TNFRSF9: variants seen among roughly 807,000 people sequenced by gnomAD.
The protein encoded by TNFRSF9 is tumor necrosis factor receptor superfamily member 9.
Under a neutral mutation model 28.8 loss-of-function variants are expected in TNFRSF9, and 16 were observed. That is an observed-to-expected ratio of 0.55 (90% confidence interval 0.38 to 0.84). TNFRSF9 has a LOEUF of 0.84. Ranked by LOEUF, TNFRSF9 falls within the 40% of genes least tolerant of loss-of-function variation. The pLI is 0.00. For missense variants in TNFRSF9, 303 were observed against 315.0 expected (o/e 0.96, Z 0.29); for synonymous variants, 131 against 117.0 (o/e 1.12, Z -0.77).
At chr1:7,930,446 G>T (rs9658000) in intron 7 of TNFRSF9, among the ~76,000 whole-genome samples, 127 of 152,254 alleles carry the variant, frequency 8.3e-4, no homozygotes, top group African/African-American at 2.9e-3. Context: ...GAACTTTGTT[G>T]CAGTCTGGGG....
chr1:7,924,294 C>CATATGTATATATATATATATAT (rs1238435280), intron 7 of TNFRSF9, among the ~76,000 whole-genome samples: 1 of 129,996 alleles, frequency 7.7e-6, no homozygotes, highest in African/African-American at 2.9e-5. Flanking sequence ...TAGTATATTC[C>CATATGTATATATATATATATAT]ATATATATAT....
At chr1:7,937,632 C>G in intron 5 of TNFRSF9, 58 bp downstream of exon 5, 1 of 1,453,680 alleles carries the variant, frequency 6.9e-7, no homozygotes, top group Non-Finnish European at 9.6e-7. Context: ...CATTCCTTAT[C>G]TTCCAAAAAA....
chr1:7,934,388 CGA>C (rs1639785015), intron 6 of TNFRSF9, among the ~76,000 whole-genome samples: 1 of 137,666 alleles, frequency 7.3e-6, no homozygotes, highest in South Asian at 2.4e-4. Flanking sequence ...AAAAAAAAAG[CGA>C]GAGAGAGAAA....
At chr1:7,936,962 A>G (rs1312937835) in intron 5 of TNFRSF9, among the ~76,000 whole-genome samples, 3 of 152,224 alleles carry the variant, frequency 2.0e-5, no homozygotes, top group African/African-American at 4.8e-5. Context: ...TCTCTCGTAT[A>G]CTATTGGCTT....
intron 7 of TNFRSF9, among the ~76,000 whole-genome samples, chr1:7,930,768 C>CA (rs34721527): frequency 1.3e-5 from 2 of 151,602 alleles, no homozygotes; most frequent in African/African-American, 4.8e-5. Context: ...AACTCTGTCT[C>CA]AAAAAAACAA....
rs577970791 is a variant in TNFRSF9, at chr1:7,940,065, T to G, written c.-71A>C. On this transcript the variant is annotated 5_prime_UTR_variant, in exon 2 of 8. Transcript: ENST00000377507. ...AGAATTTTAATCAAATTAGCTGGTC[T>G]CACAAATGTCACTCTGCAAAAGATA... 12 of 1,048,122 alleles carry G rather than the reference T, an allele frequency of 1.1e-5. No homozygotes were observed. In the East Asian group the frequency reaches 2.4e-4, roughly 21 times the overall value. 64.9% of individuals were successfully genotyped at this position (1,048,122 alleles called of 1,614,324 possible). A position where few individuals can be genotyped will look rare whatever the true frequency, so the allele number is the denominator to read the frequency against.
intron 6 of TNFRSF9, 106 bp from the exon 7 acceptor site, chr1:7,933,402 G>A (rs1578075489): frequency 7.3e-7 from 1 of 1,367,164 alleles, no homozygotes; most frequent in Non-Finnish European, 9.9e-7. Context: ...AAGAATCACA[G>A]CCTTGGGCAT....
At position 7,919,564 on chromosome 1, in the gene TNFRSF9, C is replaced by T. The variant is rs1176817656; in HGVS notation, c.*1271G>A. ...AGATCATAAGCCAAACAATGGCAGG[C>T]ATGCCAGGTTTGCACCTGTAATCCC... On this transcript the variant is annotated 3_prime_UTR_variant, in exon 8 of 8. Transcript: ENST00000377507. 1 of 152,174 alleles carries T rather than the reference C, an allele frequency of 6.6e-6. No individual in the cohort carries two copies. The highest frequency in any genetic ancestry group is 1.5e-5 in the Non-Finnish European group (1 of 68,036). 9.4% of individuals were successfully genotyped at this position (152,174 alleles called of 1,614,324 possible).
chr1:7,917,247 G>GA lies in TNFRSF9; in HGVS notation c.*3587dup, dbSNP rs1639492681. ...TGCCTGACCTAGCTAAGACACTTCT[G>GA]AAGTAGAAAAAGAAGGTGGAGGGAG... is the stretch of plus-strand genomic sequence containing the variant. On this transcript the variant is annotated 3_prime_UTR_variant, in exon 8 of 8. Transcript: ENST00000377507. 6.6e-6 allele frequency: 1 copy of GA among 152,152 alleles called. No individual in the cohort carries two copies. Among genetic ancestry groups the GA allele is most frequent in the Non-Finnish European group, 1.5e-5 (1 of 68,068 alleles). The allele number at this position is 152,152 out of a possible 1,614,324, so 9.4% of individuals were successfully genotyped here. A position where few individuals can be genotyped will look rare whatever the true frequency, so the allele number is the denominator to read the frequency against.
chr1:7,936,034 C>T (rs9657976), intron 5 of TNFRSF9, among the ~76,000 whole-genome samples: 126 of 152,240 alleles, frequency 8.3e-4, no homozygotes, highest in Non-Finnish European at 8.1e-4. Context: ...CAAATCCGCC[C>T]GTCCTCCAGA....
intron 7 of TNFRSF9, among the ~76,000 whole-genome samples, chr1:7,925,514 G>T: frequency 6.6e-6 from 1 of 152,104 alleles, no homozygotes; most frequent in East Asian, 1.9e-4. Flanking sequence ...CTGGGTGGGT[G>T]GGGGGATGGT....
At chr1:7,930,857 G>C (rs1368416824) in intron 7 of TNFRSF9, among the ~76,000 whole-genome samples, 1 of 151,800 alleles carries the variant, frequency 6.6e-6, no homozygotes, top group African/African-American at 2.4e-5. Context: ...AAGAATGAAA[G>C]AGCAAACCAC....
chr1:7,932,234 G>A (rs1639741969), intron 7 of TNFRSF9, among the ~76,000 whole-genome samples: 1 of 152,106 alleles, frequency 6.6e-6, no homozygotes, highest in Non-Finnish European at 1.5e-5. Context: ...GGTGCTTTGG[G>A]TTAAAATTTT....
intron 1 of TNFRSF9, among the ~76,000 whole-genome samples, chr1:7,940,439 A>T (rs1349626536): frequency 6.6e-6 from 1 of 152,214 alleles, no homozygotes; most frequent in East Asian, 1.9e-4. Flanking sequence ...TTACAAAGAG[A>T]ATCTGTCAGG....
intron 7 of TNFRSF9, among the ~76,000 whole-genome samples, chr1:7,931,535 T>C (rs910727755): frequency 6.6e-6 from 1 of 152,196 alleles, no homozygotes; most frequent in African/African-American, 2.4e-5. Flanking sequence ...ATTCTATTTG[T>C]ATGAAGTTCA....
intron 1 of TNFRSF9, 41 bp from the exon 2 acceptor site, chr1:7,940,119 T>A: frequency 1.6e-6 from 1 of 634,466 alleles, no homozygotes; most frequent in Non-Finnish European, 2.7e-6. Context: ...TGGTTTCTCC[T>A]TTCAAAATTA....
intron 7 of TNFRSF9, among the ~76,000 whole-genome samples, chr1:7,929,442 T>C (rs932058093): frequency 2.6e-5 from 4 of 152,042 alleles, no homozygotes; most frequent in African/African-American, 7.2e-5. Flanking sequence ...GCTGGGATTA[T>C]AGGCATGAGC....
intron 7 of TNFRSF9, among the ~76,000 whole-genome samples, chr1:7,921,611 T>C (rs1017313151): frequency 6.6e-6 from 1 of 151,880 alleles, no homozygotes; most frequent in Non-Finnish European, 1.5e-5. Context: ...GAGGTTGCAG[T>C]GAGCTGAGAT....
At chr1:7,924,222 C>T (rs1639603143) in intron 7 of TNFRSF9, among the ~76,000 whole-genome samples, 1 of 148,476 alleles carries the variant, frequency 6.7e-6, no homozygotes, top group South Asian at 2.1e-4. Flanking sequence ...TTGACAATGA[C>T]AATAAATGAC....
Sources: gnomAD v4.1 joint callset for allele counts (sites outside exome capture counted in the v4.1 genomes callset) on GRCh38, gnomAD v4.1.1 for gene constraint, MANE v1.5 for transcripts, NCBI Gene and HGNC (gene_info 2026-07-23, HGNC 2026-07-21) for gene names.